Variants in HMGXB4 observed in about 807,000 individuals in gnomAD.
The protein encoded by HMGXB4 is HMG domain-containing protein 4.
HMGXB4 carries 27 observed loss-of-function variants against 63.9 expected under a neutral mutation model. The observed-to-expected ratio is 0.42, with a 90% confidence interval of 0.31 to 0.58. The LOEUF is 0.58. Among genes scored for constraint, HMGXB4 ranks in the 20% least tolerant of loss-of-function variants. The pLI is 0.13. For synonymous variants in HMGXB4, 264 were observed against 265.3 expected (o/e 0.99, Z 0.05); for missense variants, 624 against 700.7 (o/e 0.89, Z 1.24).
In HMGXB4 at chr22:35,279,382, G is replaced by A. The variant is rs369481107; in HGVS notation, c.1216-4580G>A. Among the ~76,000 whole-genome samples the A allele has an allele frequency of 1.3e-4, 20 of 151,854 alleles. No homozygotes were observed. In the East Asian group the frequency reaches 3.5e-3, roughly 27 times the overall value. ...TCGAACTCCCGACCTCAGATGATCC[G>A]CCCACCTCGGCCTCCCAAAGTGCTG... is the stretch of plus-strand genomic sequence containing the variant. On this transcript the variant is annotated intron_variant, in intron 5 of 10. Transcript: ENST00000216106.
In HMGXB4 at chr22:35,264,868, C is replaced by T. The variant is rs947078168; in HGVS notation, c.480C>T (p.Pro160=). ...TCAGTGGAAGCAGTGGGGAACTACC[C>T]CTAGAGGATGGTGGCTCCCACAAAT... ...KKVSGSSGEL[P]LEDGGSHKSK... The change falls in exon 5 of 11, where the codon CCC becomes CCT. Residue 160 remains proline, a synonymous_variant. Transcript: ENST00000216106. 6.2e-7 allele frequency: 1 copy of T among 1,613,972 alleles called. No homozygotes were observed. The highest frequency in any genetic ancestry group is 8.5e-7 in the Non-Finnish European group (1 of 1,179,936).
chr22:35,293,439 G>T (rs1925047997), intron 10 of HMGXB4, among the ~76,000 whole-genome samples, 168 bp from the exon 11 acceptor site: 1 of 152,218 alleles, frequency 6.6e-6, no homozygotes, highest in Non-Finnish European at 1.5e-5. Context: ...AATGGGAGAA[G>T]TCAGCAGAAA....
chr22:35,290,116 G>T (rs185177862), intron 9 of HMGXB4, among the ~76,000 whole-genome samples: 2 of 152,170 alleles, frequency 1.3e-5, no homozygotes, highest in African/African-American at 4.8e-5. Context: ...ATTTCCAGAA[G>T]AAGTATTCTA....
chr22:35,262,059 G>T, intron 1 of HMGXB4: 2 of 270,030 alleles, frequency 7.4e-6, no homozygotes, highest in Non-Finnish European at 1.4e-5. Context: ...CATTAATTTT[G>T]AAAATATTTT....
At chr22:35,242,559 G>C in the HMGXB4 span, among the ~76,000 whole-genome samples, 1 of 140,130 alleles carries the variant, frequency 7.1e-6, no homozygotes, top group Admixed American at 7.2e-5. Context: ...CTCTCTCTCT[G>C]ATCTTATCAA....
chr22:35,287,911 G>A (rs187381677), intron 8 of HMGXB4, among the ~76,000 whole-genome samples: 2 of 151,730 alleles, frequency 1.3e-5, no homozygotes, highest in East Asian at 3.9e-4. Flanking sequence ...TCGTGCCATG[G>A]CACTCCAGCC....
chr22:35,251,201 AG>A, the HMGXB4 span, among the ~76,000 whole-genome samples: 52 of 151,756 alleles, frequency 3.4e-4, no homozygotes, highest in Non-Finnish European at 7.1e-4. Flanking sequence ...CAGCCTCCCG[AG>A]TAGCTGGGAC....
Position 35,265,042 on chromosome 22 carries a change from G to T in HMGXB4, c.654G>T (p.Ala218=). ...EESFQYPSQQ[A]TVKKSSKKSA... ...CTTTTCAATATCCCTCCCAACAAGC[G>T]ACTGTGAAAAAATCCTCAAAGAAAT... The change falls in exon 5 of 11, where the codon GCG becomes GCT. Residue 218 remains alanine (A), a synonymous_variant. Transcript: ENST00000216106. 1.2e-6 allele frequency: 2 copies of T among 1,613,866 alleles called. No homozygotes were observed. Among genetic ancestry groups the T allele is most frequent in the Non-Finnish European group, 1.7e-6 (2 of 1,179,788 alleles).
the HMGXB4 span, among the ~76,000 whole-genome samples, chr22:35,246,397 C>G: frequency 6.7e-5 from 10 of 148,852 alleles, no homozygotes; most frequent in Admixed American, 3.4e-4. Flanking sequence ...GCCTCAGCCT[C>G]CTGAGTAGCT....
chr22:35,275,939 T>A (rs1475594671), intron 5 of HMGXB4, among the ~76,000 whole-genome samples: 1 of 152,250 alleles, frequency 6.6e-6, no homozygotes, highest in African/African-American at 2.4e-5. Context: ...AGGGTCTGTG[T>A]ATCCCAGCTG....
chr22:35,274,819 A>G (rs1923811245), intron 5 of HMGXB4, among the ~76,000 whole-genome samples: 1 of 152,198 alleles, frequency 6.6e-6, no homozygotes, highest in African/African-American at 2.4e-5. Context: ...AACCTTACTT[A>G]TCTGCTGGTT....
intron 9 of HMGXB4, among the ~76,000 whole-genome samples, chr22:35,290,544 T>A (rs1032299899): frequency 2.8e-5 from 4 of 144,300 alleles, no homozygotes; most frequent in African/African-American, 1.0e-4. Flanking sequence ...GGCAGGAGAA[T>A]GGCGTGAACC....
intron 9 of HMGXB4, among the ~76,000 whole-genome samples, chr22:35,291,396 G>A (rs1924928851): frequency 6.6e-6 from 1 of 152,116 alleles, no homozygotes; most frequent in African/African-American, 2.4e-5. Flanking sequence ...CTTCACTGTT[G>A]GGGAACTACA....
At chr22:35,279,065 A>C (rs1325142035) in intron 5 of HMGXB4, among the ~76,000 whole-genome samples, 2 of 144,180 alleles carry the variant, frequency 1.4e-5, no homozygotes, top group Admixed American at 1.4e-4. Flanking sequence ...AGAGAGAGAG[A>C]TTTTTGGATA....
intron 5 of HMGXB4, among the ~76,000 whole-genome samples, chr22:35,272,581 A>G (rs1923672272): frequency 6.6e-6 from 1 of 152,228 alleles, no homozygotes; most frequent in African/African-American, 2.4e-5. Context: ...AGCAGGATAC[A>G]GTTACATTTT....
At chr22:35,261,851 ACAATG>A (rs1922880848) in intron 1 of HMGXB4, 1 of 154,288 alleles carries the variant, frequency 6.5e-6, no homozygotes, top group Admixed American at 6.4e-5. Context: ...TGTTTAAATT[ACAATG>A]CAATAGATTT....
intron 5 of HMGXB4, among the ~76,000 whole-genome samples, chr22:35,272,645 TTAAAA>T (rs1475805862): frequency 5.3e-5 from 8 of 152,294 alleles, no homozygotes; most frequent in East Asian, 1.9e-4. Flanking sequence ...TTTTTGTCAC[TTAAAA>T]TAATAGCCAG....
At chr22:35,269,831 AT>A (rs1273000773) in intron 5 of HMGXB4, among the ~76,000 whole-genome samples, 1 of 152,120 alleles carries the variant, frequency 6.6e-6, no homozygotes, top group East Asian at 1.9e-4. Flanking sequence ...ATCTAGCAAG[AT>A]CCAGGTGTGG....
chr22:35,247,791 T>A, the HMGXB4 span, among the ~76,000 whole-genome samples: 1 of 152,108 alleles, frequency 6.6e-6, no homozygotes, highest in Non-Finnish European at 1.5e-5. Context: ...GCAGGGGAAA[T>A]CTGGTCCCTG....
Sources: allele counts gnomAD v4.1 joint callset (sites outside exome capture counted in the v4.1 genomes callset), GRCh38; gene constraint gnomAD v4.1.1; transcripts MANE v1.5; gene names NCBI Gene and HGNC (gene_info 2026-07-23, HGNC 2026-07-21).